The following NT5DC3 variants were observed in gnomAD, a reference collection of about 807,000 sequenced individuals.
NT5DC3 encodes the protein 5'-nucleotidase domain containing 3, also known as 5'-nucleotidase domain-containing protein 3.
A neutral mutation model predicts 67.8 loss-of-function variants in NT5DC3; 42 were observed. That is an observed-to-expected ratio of 0.62 (90% CI 0.48 to 0.80). The LOEUF (loss-of-function observed/expected upper bound fraction) is 0.80, where lower values mean the gene tolerates loss of function less well. NT5DC3 is among the 30% of genes least tolerant of loss of function. The pLI is 0.00. For missense variants in NT5DC3, 570 were observed against 696.4 expected (o/e 0.82, Z 2.04); for synonymous variants, 237 against 255.6 (o/e 0.93, Z 0.69).
the NT5DC3 span, chr12:103,759,134 C>G: frequency 6.2e-7 from 1 of 1,614,028 alleles, no homozygotes; most frequent in Non-Finnish European, 8.5e-7. Context: ...TTTTCTCAGA[C>G]CTTGTCTGGG....
chr12:103,798,749 G>A, intron 4 of NT5DC3, 72 bp from the exon 5 acceptor site: 1 of 1,120,058 alleles, frequency 8.9e-7, no homozygotes, highest in South Asian at 1.3e-5. Flanking sequence ...CCTGTGCAGT[G>A]CTGGGATTTT....
intron 1 of NT5DC3, among the ~76,000 whole-genome samples, chr12:103,832,099 T>C (rs1887957108): frequency 6.6e-6 from 1 of 151,990 alleles, no homozygotes; most frequent in South Asian, 2.1e-4. Context: ...TCATTATTAG[T>C]CCTTGAGATT....
At chr12:103,747,699 A>G in the NT5DC3 span, among the ~76,000 whole-genome samples, 1 of 152,152 alleles carries the variant, frequency 6.6e-6, no homozygotes, top group East Asian at 1.9e-4. Flanking sequence ...ATTATTACAG[A>G]AAAAAAGAGA....
chr12:103,769,870 C>T (rs563077004), downstream of NT5DC3, among the ~76,000 whole-genome samples: 1 of 152,360 alleles, frequency 6.6e-6, no homozygotes, highest in South Asian at 2.1e-4. Context: ...GAAGAAAAGG[C>T]ATGTGAGAGG....
the NT5DC3 span, chr12:103,749,127 G>A: frequency 7.8e-5 from 125 of 1,607,806 alleles, no homozygotes; most frequent in East Asian, 2.0e-4. Flanking sequence ...AGGGTGTCAC[G>A]AGCACGCCAC....
At chr12:103,766,392 G>A (rs916141963), downstream of NT5DC3, 3 of 1,558,628 alleles carry the variant, frequency 1.9e-6, no homozygotes, top group Admixed American at 1.8e-5. Flanking sequence ...CATCAACTGT[G>A]AATTCTCAGC....
At chr12:103,792,866 C>A (rs1219104603) in intron 9 of NT5DC3, among the ~76,000 whole-genome samples, 3 of 152,206 alleles carry the variant, frequency 2.0e-5, no homozygotes, top group Non-Finnish European at 1.5e-5. Context: ...ATCTAAAGAT[C>A]TAATTTACTA....
chr12:103,762,411 G>A, the NT5DC3 span: 1 of 1,614,162 alleles, frequency 6.2e-7, no homozygotes, highest in Non-Finnish European at 8.5e-7. Context: ...AGGTAAGAGA[G>A]AAAAATGGGA....
At chr12:103,792,310 C>T (rs530930346) in intron 9 of NT5DC3, among the ~76,000 whole-genome samples, 17 of 152,098 alleles carry the variant, frequency 1.1e-4, no homozygotes, top group African/African-American at 2.2e-4. Context: ...CACTGTGACA[C>T]GTGGAAAACT....
At chr12:103,752,177 A>G in the NT5DC3 span, among the ~76,000 whole-genome samples, 1 of 152,230 alleles carries the variant, frequency 6.6e-6, no homozygotes, top group Non-Finnish European at 1.5e-5. Flanking sequence ...ATCACAGAAA[A>G]TTAGAAATAA....
chr12:103,803,243 A>G lies in NT5DC3; in HGVS notation c.524+3079T>C, dbSNP rs1373049874. 3.9e-5 allele frequency among the ~76,000 whole-genome samples: 6 copies of G among 152,236 alleles called. No homozygotes were observed. The East Asian group carries it at 9.6e-4, about 24-fold the overall frequency. On this transcript the variant is annotated intron_variant, in intron 4 of 13. Coordinates refer to ENST00000392876, the MANE Select transcript of NT5DC3 (RefSeq NM_001031701.3). ...TCATTTAAGAGGTTTAGAGAAAGAA[A>G]AACTAAAAATTGTAATATGTTAAAT...
chr12:103,798,516 G>T, intron 5 of NT5DC3, 71 bp downstream of exon 5: 2 of 1,014,404 alleles, frequency 2.0e-6, no homozygotes, highest in South Asian at 1.3e-5. Flanking sequence ...ATAAGCAGTA[G>T]GTAAGTTCGA....
Position 103,773,319 on chromosome 12 carries a change from A to T in NT5DC3, c.*4510T>A, listed in dbSNP as rs1050846448. On this transcript the variant is annotated 3_prime_UTR_variant, in exon 14 of 14. Coordinates refer to ENST00000392876, the MANE Select transcript of NT5DC3 (RefSeq NM_001031701.3). Reference sequence around the variant, plus strand: ...TAGTAGCAAAAGCAAACAGCCCAAAAAGCCAAAAATACTTCCTATCTGGCC... The same window carrying T: ...TAGTAGCAAAAGCAAACAGCCCAAATAGCCAAAAATACTTCCTATCTGGCC... 14 of 152,126 alleles carry T rather than the reference A, an allele frequency of 9.2e-5. No homozygotes were observed. Among genetic ancestry groups the T allele is most frequent in the African/African-American group, 3.4e-4 (14 of 41,414 alleles). 9.4% of individuals were successfully genotyped at this position (152,126 alleles called of 1,614,324 possible). A position where few individuals can be genotyped will look rare whatever the true frequency, so the allele number is the denominator to read the frequency against.
At chr12:103,824,137 T>C (rs1420039164) in intron 1 of NT5DC3, among the ~76,000 whole-genome samples, 1 of 152,266 alleles carries the variant, frequency 6.6e-6, no homozygotes, top group East Asian at 1.9e-4. Flanking sequence ...GTCCACTTAA[T>C]ATCCTTTCTG....
At chr12:103,786,026 G>T (rs1479287394) in intron 11 of NT5DC3, among the ~76,000 whole-genome samples, 1 of 151,984 alleles carries the variant, frequency 6.6e-6, no homozygotes, top group Non-Finnish European at 1.5e-5. Context: ...AAGACATATA[G>T]TCATCATACT....
chr12:103,769,512 C>T (rs531267327), downstream of NT5DC3, among the ~76,000 whole-genome samples: 1 of 152,238 alleles, frequency 6.6e-6, no homozygotes, highest in Non-Finnish European at 1.5e-5. Context: ...TCCAGAACAG[C>T]GCAGGGCACA....
the NT5DC3 span, among the ~76,000 whole-genome samples, chr12:103,754,375 C>T: frequency 6.6e-6 from 1 of 152,046 alleles, no homozygotes; most frequent in Non-Finnish European, 1.5e-5. Context: ...GTTTGAATGC[C>T]AGTTGCCAGC....
Position 103,793,168 on chromosome 12 carries a change from G to T in NT5DC3, c.1015C>A (p.Arg339=), listed in dbSNP as rs1866295. 0.27 allele frequency: 421,212 copies of T among 1,586,708 alleles called. 62,779 individuals carry two copies. Among genetic ancestry groups the T allele is most frequent in the East Asian group, 0.58 (25,733 of 44,606 alleles). The part of the protein sequence containing the change: ...AEKPNFFNDK[R]RPFRKMNEKG... ...CCTAGAAAAATAAACACTCACCTCC[G>T]CTTATCATTAAAGAAGTTTGGCTTC... Residue 339 remains arginine (R), a synonymous_variant, in exon 9 of 14, where the codon CGG becomes AGG. Coordinates refer to ENST00000392876, the MANE Select transcript of NT5DC3 (RefSeq NM_001031701.3).
chr12:103,780,164 G>C (rs997415390), intron 13 of NT5DC3, 136 bp downstream of exon 13: 4 of 751,248 alleles, frequency 5.3e-6, no homozygotes, highest in Non-Finnish European at 4.8e-6. Context: ...TGGATCCTGG[G>C]GGAGGCAGAC....
Sources: gnomAD v4.1 joint callset for allele counts (sites outside exome capture counted in the v4.1 genomes callset) on GRCh38, gnomAD v4.1.1 for gene constraint, MANE v1.5 for transcripts, NCBI Gene and HGNC (gene_info 2026-07-23, HGNC 2026-07-21) for gene names.